ARHGEF37: variants seen among roughly 807,000 people sequenced by gnomAD.
ARHGEF37 encodes Rho guanine nucleotide exchange factor 37, also known as Rho guanine nucleotide exchange factor (GEF) 37.
In ARHGEF37, 55 loss-of-function variants were observed where a neutral mutation model predicts 71.1. That is an observed-to-expected ratio of 0.77 (90% CI 0.62 to 0.97). The LOEUF (loss-of-function observed/expected upper bound fraction) is 0.97. Among genes scored for constraint, ARHGEF37 ranks in the 50% least tolerant of loss-of-function variants. ARHGEF37 has a pLI of 0.00. For synonymous variants in ARHGEF37, 327 were observed against 350.6 expected, an observed-to-expected ratio of 0.93 and a Z score of 0.75; for missense variants, 765 against 836.8, an observed-to-expected ratio of 0.91 and a Z score of 1.06.
At chr5:149,598,335 CT>C (rs1393761372) in intron 2 of ARHGEF37, among the ~76,000 whole-genome samples, 2 of 116,928 alleles carry the variant, frequency 1.7e-5, no homozygotes, top group Non-Finnish European at 3.7e-5. Context: ...CTTTCTTCCT[CT>C]TCCTCTTCCT....
At chr5:149,588,968 G>T (rs946733691) in intron 1 of ARHGEF37, among the ~76,000 whole-genome samples, 1 of 152,102 alleles carries the variant, frequency 6.6e-6, no homozygotes, top group African/African-American at 2.4e-5. Flanking sequence ...AGTGGCTCAT[G>T]CCTGTTATCC....
intron 4 of ARHGEF37, among the ~76,000 whole-genome samples, chr5:149,615,907 C>CA (rs1387255519): frequency 2.0e-5 from 3 of 151,620 alleles, no homozygotes; most frequent in East Asian, 1.9e-4. Context: ...CAAAACAAAA[C>CA]AAAAAAACAC....
intron 1 of ARHGEF37, among the ~76,000 whole-genome samples, chr5:149,597,348 C>T (rs1464429882): frequency 1.3e-5 from 2 of 152,100 alleles, no homozygotes; most frequent in African/African-American, 2.4e-5. Flanking sequence ...ACCTCTGCCT[C>T]CCGGGTTCAA....
intron 12 of ARHGEF37, among the ~76,000 whole-genome samples, chr5:149,630,975 T>C (rs1315605219): frequency 6.6e-6 from 1 of 152,216 alleles, no homozygotes; most frequent in Non-Finnish European, 1.5e-5. Flanking sequence ...ACACATGTAT[T>C]CCTTCATGAA....
Position 149,620,368 on chromosome 5 carries a change from C to T in ARHGEF37, c.909C>T (p.Phe303=), listed in dbSNP as rs747173296. 8 of 1,610,630 alleles carry T rather than the reference C, an allele frequency of 5.0e-6. No individual in the cohort carries two copies. Among genetic ancestry groups the T allele is most frequent in the Non-Finnish European group, 6.8e-6 (8 of 1,178,770 alleles). ...YLDNLQAFLY[F]RPHEYNLDIP... The stretch of plus-strand genomic sequence containing the variant: ...ACTGGGTCCAGGCTTTCCTCTACTT[C>T]AGGCCGCACGAATACAATCTGGACA... The change falls in exon 8 of 13, where the codon TTC becomes TTT. Residue 303 remains phenylalanine (F), a synonymous_variant. Transcript: ENST00000333677.
intron 3 of ARHGEF37, among the ~76,000 whole-genome samples, chr5:149,606,955 G>A (rs760480420): frequency 6.6e-5 from 10 of 152,066 alleles, no homozygotes; most frequent in African/African-American, 2.4e-4. Context: ...TTGCTCTGTC[G>A]CCCAGGCTGG....
chr5:149,565,302 T>C (rs1762885133), intron 1 of ARHGEF37, among the ~76,000 whole-genome samples: 2 of 152,342 alleles, frequency 1.3e-5, no homozygotes, highest in South Asian at 4.1e-4. Flanking sequence ...CGATGAGCCA[T>C]GACAGCAGAG....
chr5:149,563,769 A>T (rs1215413806), intron 1 of ARHGEF37, among the ~76,000 whole-genome samples: 1 of 152,114 alleles, frequency 6.6e-6, no homozygotes, highest in East Asian at 1.9e-4. Flanking sequence ...CGTGTAGAAG[A>T]TTCCTTTTGA....
At chr5:149,614,943 A>G (rs1752332886) in intron 4 of ARHGEF37, among the ~76,000 whole-genome samples, 1 of 152,146 alleles carries the variant, frequency 6.6e-6, no homozygotes, top group Non-Finnish European at 1.5e-5. Context: ...GATGGCTGAG[A>G]TTTGAAACCT....
chr5:149,620,604 C>T, intron 8 of ARHGEF37, 140 bp downstream of exon 8: 6 of 563,936 alleles, frequency 1.1e-5, no homozygotes, highest in Non-Finnish European at 1.5e-5. Context: ...CCGAGGCAGG[C>T]AGATTGCCTG....
At chr5:149,611,563 C>G (rs1005889226) in intron 4 of ARHGEF37, among the ~76,000 whole-genome samples, 2 of 152,222 alleles carry the variant, frequency 1.3e-5, no homozygotes, top group African/African-American at 4.8e-5. Flanking sequence ...GCTCTGTAGC[C>G]GAGCTCCATG....
intron 4 of ARHGEF37, among the ~76,000 whole-genome samples, chr5:149,612,070 A>C (rs1272887056): frequency 1.3e-5 from 2 of 152,246 alleles, no homozygotes; most frequent in East Asian, 3.8e-4. Context: ...GATTTAAAGA[A>C]AGAGATATCT....
In ARHGEF37 at chr5:149,632,221, A is replaced by G. The variant is rs1752906292; in HGVS notation, c.*30A>G. 1 of 1,607,286 alleles carries G rather than the reference A, an allele frequency of 6.2e-7. No homozygotes were observed. The highest frequency in any genetic ancestry group is 1.3e-5 in the African/African-American group (1 of 74,738). The stretch of plus-strand genomic sequence containing the variant: ...CCCTCTTTGGAGCCTACATTGCCAA[A>G]TGATGGGGGAGGCTTAGAGGCTCTG... On this transcript the variant is annotated 3_prime_UTR_variant, in exon 13 of 13. Transcript: ENST00000333677.
At chr5:149,627,355 G>A (rs1241570107) in intron 11 of ARHGEF37, 84 bp downstream of exon 11, 1 of 1,477,018 alleles carries the variant, frequency 6.8e-7, no homozygotes, top group Non-Finnish European at 9.2e-7. Context: ...GCACTCTTGT[G>A]GGTCAAAGTC....
At chr5:149,578,812 C>T (rs1179922981), upstream of ARHGEF37, among the ~76,000 whole-genome samples, 1 of 152,030 alleles carries the variant, frequency 6.6e-6, no homozygotes, top group Non-Finnish European at 1.5e-5. Context: ...CAGTCAAAAG[C>T]AAACATCTCT....
At chr5:149,582,609 C>T (rs2113265105) in intron 1 of ARHGEF37, among the ~76,000 whole-genome samples, 1 of 152,158 alleles carries the variant, frequency 6.6e-6, no homozygotes, top group African/African-American at 2.4e-5. Flanking sequence ...CTATAGTTTA[C>T]AATAATCTAT....
intron 8 of ARHGEF37, 123 bp from the exon 9 acceptor site, chr5:149,621,610 G>A: frequency 1.1e-6 from 1 of 885,054 alleles, no homozygotes; most frequent in South Asian, 1.7e-5. Flanking sequence ...ACATGCTAAA[G>A]GTCCCAGCTA....
intron 3 of ARHGEF37, among the ~76,000 whole-genome samples, chr5:149,604,628 G>A (rs1763856801): frequency 1.3e-5 from 2 of 151,020 alleles, no homozygotes; most frequent in South Asian, 2.1e-4. Flanking sequence ...CTAGCCCCTA[G>A]GCCTTGCTAT....
intron 1 of ARHGEF37, among the ~76,000 whole-genome samples, chr5:149,593,047 G>A (rs528433740): frequency 5.9e-5 from 9 of 152,278 alleles, no homozygotes; most frequent in African/African-American, 1.7e-4. Context: ...TGAGATTACA[G>A]GTGTAAGCCG....
Sources: allele counts gnomAD v4.1 joint callset (sites outside exome capture counted in the v4.1 genomes callset), GRCh38; gene constraint gnomAD v4.1.1; transcripts MANE v1.5; gene names NCBI Gene and HGNC (gene_info 2026-07-23, HGNC 2026-07-21).